The following FAM135B variants were observed in gnomAD, a reference collection of about 807,000 sequenced individuals.
FAM135B encodes the protein protein FAM135B.
Under a neutral mutation model 127.7 loss-of-function variants are expected in FAM135B, and 43 were observed. The ratio of observed to expected loss-of-function variants is 0.34; its 90% CI spans 0.26 to 0.43. The LOEUF (loss-of-function observed/expected upper bound fraction) is 0.43. Ranked by LOEUF, FAM135B falls within the 20% of genes least tolerant of loss-of-function variation. The pLI, the probability that FAM135B is intolerant of heterozygous loss-of-function variation, is 1.00. For synonymous variants in FAM135B, 670 were observed against 665.1 expected (o/e 1.01, Z -0.11); for missense variants, 1,558 against 1,725.6 (o/e 0.90, Z 1.72).
intron 12 of FAM135B, among the ~76,000 whole-genome samples, chr8:138,167,448 G>A (rs561661312): frequency 2.0e-5 from 3 of 152,196 alleles, no homozygotes; most frequent in East Asian, 1.9e-4. Flanking sequence ...TGCCCACCTC[G>A]GCCTCCCAAA....
chr8:138,280,084 C>T (rs989188070), intron 3 of FAM135B, among the ~76,000 whole-genome samples: 3 of 152,268 alleles, frequency 2.0e-5, no homozygotes, highest in Non-Finnish European at 4.4e-5. Flanking sequence ...AGAATCCAAC[C>T]AAGGACCAGC....
chr8:138,218,013 A>T (rs1408384347), intron 7 of FAM135B, among the ~76,000 whole-genome samples: 2 of 152,214 alleles, frequency 1.3e-5, no homozygotes, highest in Admixed American at 6.5e-5. Flanking sequence ...TATTAATGGA[A>T]GTCATATTTA....
In FAM135B at chr8:138,178,625, G is replaced by A. The variant is rs1249490444; in HGVS notation, c.939C>T (p.His313=). ...ISKDLAWLTS[H]MMTLWTQFLD... The stretch of plus-strand genomic sequence containing the variant: ...GGAACTGGGTCCACAGAGTCATCAT[G>A]TGGGACGTGAGCCAGGCCAGATCCT... Residue 313 remains histidine (H), a synonymous_variant, in exon 10 of 20, where the codon CAC becomes CAT. Coordinates refer to ENST00000395297, the MANE Select transcript of FAM135B (RefSeq NM_015912.4). The A allele has an allele frequency of 1.9e-6, 3 of 1,614,026 alleles. No homozygotes were observed. Among genetic ancestry groups the A allele is most frequent in the South Asian group, 2.2e-5 (2 of 91,092 alleles).
rs1229180794 is a variant in FAM135B at position 138,487,635 on chromosome 8, G to GT, written c.-20+9035_-20+9036insA. On this transcript the variant is annotated intron_variant, in intron 1 of 19. Transcript: ENST00000395297. ...TCTCATCCAAGCCCTAGGTGTGTGT[G>GT]GGGGTGGGGGCGGGGCAGGGGCTGG... is the stretch of plus-strand genomic sequence containing the variant. 6.4e-3 allele frequency among the ~76,000 whole-genome samples: 952 copies of GT among 148,618 alleles called. 15 individuals carry two copies. Among genetic ancestry groups the GT allele is most frequent in the African/African-American group, 0.023 (894 of 39,468 alleles).
intron 7 of FAM135B, among the ~76,000 whole-genome samples, chr8:138,215,328 A>G (rs1003829490): frequency 1.3e-5 from 2 of 152,228 alleles, no homozygotes; most frequent in Admixed American, 6.5e-5. Flanking sequence ...AATATGGGAG[A>G]TAGAAAATAG....
intron 1 of FAM135B, among the ~76,000 whole-genome samples, chr8:138,462,621 T>C (rs905651593): frequency 2.6e-5 from 4 of 152,182 alleles, no homozygotes; most frequent in African/African-American, 9.7e-5. Context: ...AACTCATGAT[T>C]TAACCCGAGT....
At chr8:138,134,265 T>G (rs1313935757) in intron 19 of FAM135B, among the ~76,000 whole-genome samples, 5 of 152,220 alleles carry the variant, frequency 3.3e-5, no homozygotes, top group African/African-American at 1.2e-4. Context: ...TATGTGAATA[T>G]TATGTAATAA....
At chr8:138,447,238 A>T (rs937835457) in intron 1 of FAM135B, among the ~76,000 whole-genome samples, 14 of 152,302 alleles carry the variant, frequency 9.2e-5, no homozygotes, top group Admixed American at 2.6e-4. Flanking sequence ...ATTGTGGAAG[A>T]TAGTGTGGCG....
intron 11 of FAM135B, among the ~76,000 whole-genome samples, chr8:138,174,355 G>A (rs149912657): frequency 2.4e-3 from 366 of 152,190 alleles, no homozygotes; most frequent in African/African-American, 8.3e-3. Context: ...TGACCTCCCC[G>A]GGGTGACTAC....
chr8:138,239,338 A>T (rs566032499), intron 7 of FAM135B, among the ~76,000 whole-genome samples: 22 of 152,198 alleles, frequency 1.4e-4, no homozygotes, highest in Admixed American at 1.0e-3. Flanking sequence ...TCATGTGTCT[A>T]TTGGCTGCAT....
chr8:138,370,964 T>C (rs185781404), intron 1 of FAM135B, among the ~76,000 whole-genome samples: 1 of 152,274 alleles, frequency 6.6e-6, no homozygotes, highest in Admixed American at 6.5e-5. Flanking sequence ...AACCAAGTCT[T>C]GAGTCCCACA....
chr8:138,135,980 G>C (rs1816627985), intron 19 of FAM135B, among the ~76,000 whole-genome samples: 1 of 152,016 alleles, frequency 6.6e-6, no homozygotes, highest in Non-Finnish European at 1.5e-5. Context: ...GGTAGTGATA[G>C]AGGTGGAGTT....
intron 1 of FAM135B, among the ~76,000 whole-genome samples, chr8:138,423,928 A>C (rs1242031617): frequency 2.6e-5 from 4 of 152,162 alleles, no homozygotes; most frequent in Non-Finnish European, 5.9e-5. Flanking sequence ...TGAGAAAAAG[A>C]ATTCAGCCAT....
At chr8:138,263,851 T>C (rs1017272450) in intron 4 of FAM135B, among the ~76,000 whole-genome samples, 5 of 152,212 alleles carry the variant, frequency 3.3e-5, no homozygotes, top group Non-Finnish European at 7.3e-5. Context: ...TGTAGTCCTA[T>C]GGCTACTAGG....
chr8:138,176,070 A>C (rs1814436757), intron 11 of FAM135B, among the ~76,000 whole-genome samples: 1 of 152,214 alleles, frequency 6.6e-6, no homozygotes, highest in Non-Finnish European at 1.5e-5. Flanking sequence ...AAGGACAGAA[A>C]CATAACTCTC....
Position 138,243,920 on chromosome 8 carries a change from A to G in FAM135B, c.543-852T>C, listed in dbSNP as rs1821072160. On this transcript the variant is annotated intron_variant, in intron 6 of 19. Transcript: ENST00000395297. The surrounding 1 kb of genome is among the most constrained non-coding windows in gnomAD (Gnocchi z 7.5). ...TATTCTAGGCATGTTTTAGTCCCTC[A>G]GTAAAATTTAAAGTCTCTGATGGCA... Among the ~76,000 whole-genome samples the G allele has an allele frequency of 6.6e-6, 1 of 152,054 alleles. No individual in the cohort carries two copies. Among genetic ancestry groups the G allele is most frequent in the Non-Finnish European group, 1.5e-5 (1 of 68,020 alleles).
chr8:138,419,582 C>G (rs956369832), intron 1 of FAM135B, among the ~76,000 whole-genome samples: 1 of 152,122 alleles, frequency 6.6e-6, no homozygotes, highest in Non-Finnish European at 1.5e-5. Flanking sequence ...ATGGCAACTA[C>G]TCTAAGATCA....
intron 7 of FAM135B, among the ~76,000 whole-genome samples, chr8:138,232,987 T>C (rs1820015977): frequency 6.6e-6 from 1 of 152,170 alleles, no homozygotes; most frequent in Non-Finnish European, 1.5e-5. Flanking sequence ...TACTATCTTT[T>C]TCTATGAGCT....
At chr8:138,230,795 C>A (rs898262975) in intron 7 of FAM135B, among the ~76,000 whole-genome samples, 1 of 152,098 alleles carries the variant, frequency 6.6e-6, no homozygotes, top group Admixed American at 6.5e-5. Flanking sequence ...TGATAACAGT[C>A]TTAAAGAGTC....
Sources: allele counts gnomAD v4.1 joint callset (sites outside exome capture counted in the v4.1 genomes callset), GRCh38; gene constraint gnomAD v4.1.1; non-coding constraint Gnocchi (gnomAD v3.1); transcripts MANE v1.5; gene names NCBI Gene and HGNC (gene_info 2026-07-23, HGNC 2026-07-21).